The following CLCN5 variants were observed in gnomAD, a reference collection of about 807,000 sequenced individuals.
CLCN5 encodes Cl-/H+ antiporter 5, also known as H(+)/Cl(-) exchange transporter 5.
In CLCN5, 17 loss-of-function variants were observed where a neutral mutation model predicts 54.0. The ratio of observed to expected loss-of-function variants is 0.31; its 90% CI spans 0.22 to 0.47. The LOEUF (loss-of-function observed/expected upper bound fraction) is 0.47. CLCN5 is among the 20% of genes least tolerant of loss of function. CLCN5 has a pLI of 1.00. For synonymous variants in CLCN5, 222 were observed against 233.0 expected (o/e 0.95, Z 0.43); for missense variants, 448 against 646.7 (o/e 0.69, Z 3.33).
chrX:50,042,509 T>A, intron 4 of CLCN5, 47 bp downstream of exon 4: 1 of 871,122 alleles, frequency 1.1e-6, no homozygotes, highest in Non-Finnish European at 1.5e-6. Flanking sequence ...TTAAAATTTA[T>A]GTACAATAAA....
chrX:49,944,342 A>G (rs1926564741), intron 3 of CLCN5, among the ~76,000 whole-genome samples: 1 of 111,661 alleles, frequency 9.0e-6, no homozygotes, highest in Non-Finnish European at 1.9e-5. Context: ...CAATCATATC[A>G]TCTGCAAACA....
rs200953235 is a variant in CLCN5, at chrX:50,081,710, A to G, written c.796A>G (p.Ile266Val). 2.1e-5 allele frequency: 26 copies of G among 1,209,522 alleles called. No homozygotes were observed. In the East Asian group the frequency reaches 6.8e-4, roughly 32 times the overall value. Reference protein sequence around the residue: ...LGKWTLVIKTITLVLAVSSGL... With the variant: ...LGKWTLVIKTVTLVLAVSSGL... ...TAAGTGGACTCTGGTTATCAAAACC[A>G]TCACCTTGGTGCTGGCAGTGTCATC... The change falls in exon 9 of 15, where the codon ATC becomes GTC. Residue 266 changes from isoleucine (I) to valine (V), a missense_variant. Transcript: ENST00000376091.
intron 4 of CLCN5, among the ~76,000 whole-genome samples, chrX:50,051,994 A>G (rs1019177829): frequency 2.7e-5 from 3 of 111,020 alleles, no homozygotes; most frequent in African/African-American, 9.8e-5. Context: ...AGACAGTTTT[A>G]TTTCTCTCTT....
At chrX:50,076,706 A>T (rs1933418047) in intron 7 of CLCN5, among the ~76,000 whole-genome samples, 1 of 110,824 alleles carries the variant, frequency 9.0e-6, no homozygotes, top group African/African-American at 3.3e-5. Flanking sequence ...TTATTTATTT[A>T]TTTATTTTGT....
At chrX:50,010,573 T>C (rs1377751786) in intron 3 of CLCN5, 1 of 116,303 alleles carries the variant, frequency 8.6e-6, no homozygotes, top group East Asian at 2.7e-4. Flanking sequence ...TCTCTCTACT[T>C]TAGTTCAATG....
intron 6 of CLCN5, 116 bp from the exon 7 acceptor site, chrX:50,075,679 C>T: frequency 3.2e-6 from 2 of 631,585 alleles, no homozygotes; most frequent in Admixed American, 4.6e-5. Context: ...ATGTGCTTAT[C>T]TGTTACTTTG....
In CLCN5 at chrX:50,096,980, AGATT is replaced by A. The variant is rs1482624576; in HGVS notation, c.*4763_*4766del. ...ATTTCCTAAACTATAAGGTTTAGAT[AGATT>A]GTCTTGAATTTTGATAGCAAATTTT... is the stretch of plus-strand genomic sequence containing the variant. On this transcript the variant is annotated 3_prime_UTR_variant, in exon 15 of 15. Coordinates refer to ENST00000376091, the MANE Select transcript of CLCN5 (RefSeq NM_001127898.4). The A allele has an allele frequency of 8.9e-6, 1 of 112,104 alleles. No individual in the cohort carries two copies. The highest frequency in any genetic ancestry group is 1.9e-5 in the Non-Finnish European group (1 of 53,294). The allele number at this position is 112,104 out of a possible 1,213,427, so 9.2% of individuals were successfully genotyped here.
intron 3 of CLCN5, among the ~76,000 whole-genome samples, chrX:49,974,160 T>A (rs1336799230): frequency 8.9e-6 from 1 of 112,372 alleles, no homozygotes; most frequent in Non-Finnish European, 1.9e-5. Flanking sequence ...TTGATGGACA[T>A]TTGTGTTTCC....
intron 3 of CLCN5, among the ~76,000 whole-genome samples, chrX:49,972,554 A>C (rs1453851607): frequency 9.0e-6 from 1 of 111,692 alleles, no homozygotes; most frequent in African/African-American, 3.3e-5. Context: ...CACAGGCAAG[A>C]GTTATTTTCC....
intron 4 of CLCN5, among the ~76,000 whole-genome samples, chrX:50,058,737 A>G (rs974521952): frequency 1.8e-5 from 2 of 111,873 alleles, no homozygotes; most frequent in Non-Finnish European, 3.8e-5. Context: ...TTGAGATCTA[A>G]TTGTACTTTA....
At chrX:50,084,565 G>A (rs1260686764) in intron 9 of CLCN5, among the ~76,000 whole-genome samples, 1 of 110,735 alleles carries the variant, frequency 9.0e-6, no homozygotes, top group Non-Finnish European at 1.9e-5. Context: ...GAATTTTTTT[G>A]TAGAGACTGG....
Position 49,922,681 on chromosome X carries a change from G to A in CLCN5, c.-316G>A, listed in dbSNP as rs1245903586. On this transcript the variant is annotated 5_prime_UTR_variant, in exon 1 of 15. Transcript: ENST00000376091. ...GGCTGGGCTGTGTGAATGAAGCTCT[G>A]CCGGCTACGTGGGGCGCTCACTCAA... 8.8e-6 allele frequency: 1 copy of A among 113,218 alleles called. No homozygotes were observed. Among genetic ancestry groups the A allele is most frequent in the Non-Finnish European group, 1.9e-5 (1 of 53,333 alleles). 9.3% of individuals were successfully genotyped at this position (113,218 alleles called of 1,213,427 possible). A position where few individuals can be genotyped will look rare whatever the true frequency, so the allele number is the denominator to read the frequency against.
In CLCN5 at chrX:50,094,160, A is replaced by C. The variant is rs1376704600; in HGVS notation, c.*1941A>C. 8.9e-6 allele frequency: 1 copy of C among 111,852 alleles called. No homozygotes were observed. The highest frequency in any genetic ancestry group is 3.2e-5 in the African/African-American group (1 of 30,778). The allele number at this position is 111,852 out of a possible 1,213,427, so 9.2% of individuals were successfully genotyped here. ...TTTTTTTGCTCAGAACTGGGTAGCC[A>C]AGGGTTATTTTATTTTTATCTTTAA... On this transcript the variant is annotated 3_prime_UTR_variant, in exon 15 of 15. Coordinates refer to ENST00000376091, the MANE Select transcript of CLCN5 (RefSeq NM_001127898.4).
At chrX:50,039,213 G>A (rs1260714043) in intron 3 of CLCN5, among the ~76,000 whole-genome samples, 7 of 112,286 alleles carry the variant, frequency 6.2e-5, no homozygotes, top group African/African-American at 2.3e-4. Context: ...AGGATTGCTT[G>A]AGCCTGGGAG....
At chrX:50,034,241 ACT>A (rs1448521549) in intron 3 of CLCN5, among the ~76,000 whole-genome samples, 1 of 111,696 alleles carries the variant, frequency 9.0e-6, no homozygotes, top group African/African-American at 3.3e-5. Context: ...GATTTCAGTA[ACT>A]CTGTCCTTGA....
At chrX:50,057,720 C>G (rs1932786405) in intron 4 of CLCN5, among the ~76,000 whole-genome samples, 2 of 105,378 alleles carry the variant, frequency 1.9e-5, no homozygotes, top group African/African-American at 3.4e-5. Flanking sequence ...GAGGGCTACT[C>G]CAACTACATT....
At chrX:50,077,951 C>T (rs782513208) in intron 7 of CLCN5, among the ~76,000 whole-genome samples, 31 of 103,524 alleles carry the variant, frequency 3.0e-4, no homozygotes, top group African/African-American at 1.0e-3. Flanking sequence ...TCACTTGTAC[C>T]TGGGAGGCGG....
chrX:50,066,269 C>G (rs1933018898), intron 4 of CLCN5, among the ~76,000 whole-genome samples: 1 of 107,405 alleles, frequency 9.3e-6, no homozygotes, highest in African/African-American at 3.5e-5. Context: ...CAATGTAGCT[C>G]ATGGCCACTT....
At chrX:49,930,417 G>T (rs1440332608) in intron 3 of CLCN5, among the ~76,000 whole-genome samples, 2 of 112,265 alleles carry the variant, frequency 1.8e-5, no homozygotes, top group African/African-American at 6.5e-5. Flanking sequence ...ATTAATTGCA[G>T]CATTTTCTAT....
Sources: allele counts gnomAD v4.1 joint callset (sites outside exome capture counted in the v4.1 genomes callset), GRCh38; gene constraint gnomAD v4.1.1; transcripts MANE v1.5; gene names NCBI Gene and HGNC (gene_info 2026-07-23, HGNC 2026-07-21).